Variants in MIB1 observed in about 807,000 individuals in gnomAD.
MIB1 encodes the protein E3 ubiquitin-protein ligase MIB1.
In MIB1, 278 loss-of-function variants were observed where a neutral mutation model predicts 124.5. The ratio of observed to expected loss-of-function variants is 2.23; its 90% confidence interval spans 2.02 to 2.47. The LOEUF (loss-of-function observed/expected upper bound fraction) is 2.47, where lower values mean the gene tolerates loss of function less well. MIB1 is among the 30% of genes most tolerant of loss of function. MIB1 has a pLI of 0.00. For missense variants in MIB1, 957 were observed against 1,254.4 expected (o/e 0.76, Z 3.58); for synonymous variants, 446 against 429.4 (o/e 1.04, Z -0.48).
intron 10 of MIB1, among the ~76,000 whole-genome samples, chr18:21,810,474 TC>T (rs1215212937): frequency 1.3e-5 from 2 of 152,038 alleles, no homozygotes; most frequent in South Asian, 2.1e-4. Flanking sequence ...GACTCACTCT[TC>T]CTACTTTCAA....
At chr18:21,713,535 C>A (rs2040675006) in intron 1 of MIB1, among the ~76,000 whole-genome samples, 1 of 147,080 alleles carries the variant, frequency 6.8e-6, no homozygotes, top group Non-Finnish European at 1.5e-5. Context: ...ATTGCTTGAA[C>A]CCAGGTGGCA....
chr18:21,838,639 A>G (rs555710573), intron 13 of MIB1, 142 bp downstream of exon 13: 68 of 616,594 alleles, frequency 1.1e-4, no homozygotes, highest in Non-Finnish European at 1.8e-4. Flanking sequence ...ATTCAGATAT[A>G]ATGCATATTC....
intron 15 of MIB1, 144 bp downstream of exon 15, chr18:21,844,397 T>A: frequency 1.2e-6 from 1 of 808,706 alleles, no homozygotes; most frequent in Non-Finnish European, 1.9e-6. Context: ...AACTTAGTAC[T>A]AGTCAGTACT....
intron 4 of MIB1, among the ~76,000 whole-genome samples, chr18:21,776,083 G>A (rs1009185910): frequency 1.3e-5 from 2 of 151,980 alleles, no homozygotes; most frequent in African/African-American, 2.4e-5. Context: ...CCTGGGCAAT[G>A]TGGCAAAACC....
At position 21,729,064 on chromosome 18, in the gene MIB1, C is replaced by T. The variant is rs890539825; in HGVS notation, n.167+23941C>T. 7.9e-5 allele frequency among the ~76,000 whole-genome samples: 12 copies of T among 152,342 alleles called. No individual in the cohort carries two copies. The South Asian group carries it at 1.4e-3, about 18-fold the overall frequency. The stretch of plus-strand genomic sequence containing the variant: ...ATGACTCCCCCAATCATTTCAACTG[C>T]ATCTCAGGCAGGTGCCTGCAGAGGT... On this transcript the variant is annotated intron_variant and non_coding_transcript_variant, in intron 1 of 20. Transcript: ENST00000578646.
intron 1 of MIB1, chr18:21,712,036 C>T (rs75950343): frequency 0.016 from 2,749 of 169,734 alleles, 78 homozygotes; most frequent in African/African-American, 0.06. Context: ...GTTTATTCTT[C>T]TGTGTACTCT....
rs911142654 is a variant in MIB1, at chr18:21,865,184, C to CT, written c.*525dup. 8 of 152,096 alleles carry CT rather than the reference C, an allele frequency of 5.3e-5. No homozygotes were observed. Among genetic ancestry groups the CT allele is most frequent in the Admixed American group, 5.2e-4 (8 of 15,278 alleles). 9.4% of individuals were successfully genotyped at this position (152,096 alleles called of 1,614,324 possible). A position where few individuals can be genotyped will look rare whatever the true frequency, so the allele number is the denominator to read the frequency against. ...TTAAGGGAATACCGAAGGGATGATTCTTTTTTTAAGATAACAGGAAGTTAC... is the reference window on the plus strand; with the variant it reads ...TTAAGGGAATACCGAAGGGATGATTCTTTTTTTTAAGATAACAGGAAGTTAC... On this transcript the variant is annotated 3_prime_UTR_variant, in exon 21 of 21. Coordinates refer to ENST00000261537, the MANE Select transcript of MIB1 (RefSeq NM_020774.4).
intron 1 of MIB1, among the ~76,000 whole-genome samples, chr18:21,762,932 T>G (rs1488170274): frequency 2.0e-5 from 3 of 152,132 alleles, no homozygotes; most frequent in African/African-American, 7.2e-5. Flanking sequence ...TGATTCTGAT[T>G]ATGATATTAT....
intron 18 of MIB1, among the ~76,000 whole-genome samples, chr18:21,853,781 C>T (rs1027327579): frequency 6.6e-6 from 1 of 152,110 alleles, no homozygotes; most frequent in Non-Finnish European, 1.5e-5. Flanking sequence ...CTTTGCTTTT[C>T]ATATTGCCCT....
intron 12 of MIB1, 82 bp downstream of exon 12, chr18:21,819,728 A>C: frequency 9.8e-7 from 1 of 1,022,176 alleles, no homozygotes. Flanking sequence ...CTGATGAAGA[A>C]ATAATTTTGG....
chr18:21,766,972 A>G (rs978796928), intron 2 of MIB1, among the ~76,000 whole-genome samples: 5 of 152,220 alleles, frequency 3.3e-5, no homozygotes, highest in African/African-American at 7.2e-5. Flanking sequence ...TGAATGAGAA[A>G]GATGTAGAAC....
chr18:21,791,175 C>CGGGA (rs1435205533), intron 6 of MIB1, among the ~76,000 whole-genome samples, 199 bp from the exon 7 acceptor site: 13 of 149,368 alleles, frequency 8.7e-5, no homozygotes, highest in African/African-American at 3.2e-4. Flanking sequence ...GAGCAAGACT[C>CGGGA]TGTCTAAAAA....
intron 1 of MIB1, among the ~76,000 whole-genome samples, chr18:21,762,137 T>C (rs769222039): frequency 6.6e-6 from 1 of 152,200 alleles, no homozygotes; most frequent in Non-Finnish European, 1.5e-5. Flanking sequence ...CTTCAGTGCA[T>C]GTTAAAGATG....
intron 1 of MIB1, among the ~76,000 whole-genome samples, chr18:21,714,491 C>T (rs1598578120): frequency 6.6e-6 from 1 of 152,302 alleles, no homozygotes; most frequent in East Asian, 1.9e-4. Context: ...TCTGTCTCCA[C>T]AGTTTCTTTC....
chr18:21,863,405 G>A (rs1443869203), intron 20 of MIB1, among the ~76,000 whole-genome samples: 1 of 152,216 alleles, frequency 6.6e-6, no homozygotes, highest in Non-Finnish European at 1.5e-5. Context: ...AGGTCACCTG[G>A]ACACTTGAAG....
chr18:21,844,253 G>T lies in MIB1; in HGVS notation c.2211G>T (p.Thr737=), dbSNP rs764288581. ...CTGCCTGGGAGCCATCCAAAAACAC[G>T]GTGAGTAAAGATCATCTTTCATTCA... ...VDAAWEPSKN[T]LIMGLGTQGA... Residue 737 remains threonine, a splice_region_variant and synonymous_variant, in exon 15 of 21, where the codon ACG becomes ACT. Coordinates refer to ENST00000261537, the MANE Select transcript of MIB1 (RefSeq NM_020774.4). The T allele has an allele frequency of 2.5e-6, 4 of 1,613,710 alleles. No individual in the cohort carries two copies. The Admixed American group carries it at 5.0e-5, about 20-fold the overall frequency.
At chr18:21,759,685 GT>G (rs1196095710) in intron 1 of MIB1, among the ~76,000 whole-genome samples, 3 of 152,028 alleles carry the variant, frequency 2.0e-5, no homozygotes, top group Non-Finnish European at 2.9e-5. Flanking sequence ...CAATTATGTT[GT>G]TTACTTTTTA....
At chr18:21,790,212 T>A (rs1456269552) in intron 6 of MIB1, among the ~76,000 whole-genome samples, 1 of 152,222 alleles carries the variant, frequency 6.6e-6, no homozygotes, top group Non-Finnish European at 1.5e-5. Context: ...CTATTGGAAT[T>A]GTAAACAAAT....
intron 1 of MIB1, among the ~76,000 whole-genome samples, chr18:21,734,517 CTCTCTT>C (rs1284954408): frequency 5.3e-5 from 8 of 150,228 alleles, no homozygotes; most frequent in African/African-American, 9.8e-5. Context: ...TCTTTCTTGT[CTCTCTT>C]TCTCTTTCTC....
Sources: allele counts gnomAD v4.1 joint callset (sites outside exome capture counted in the v4.1 genomes callset), GRCh38; gene constraint gnomAD v4.1.1; transcripts MANE v1.5; gene names NCBI Gene and HGNC (gene_info 2026-07-23, HGNC 2026-07-21).